FBXL7: variants seen among roughly 807,000 people sequenced by gnomAD.
FBXL7 encodes F-box/LRR-repeat protein 7.
In FBXL7, 12 loss-of-function variants were observed where a neutral mutation model predicts 38.3. The observed-to-expected ratio is 0.31, with a 90% CI of 0.20 to 0.51. The LOEUF is 0.51. FBXL7 is among the 20% of genes least tolerant of loss of function. The pLI is 0.98. For synonymous variants in FBXL7, 297 were observed against 300.9 expected (o/e 0.99, Z 0.13); for missense variants, 567 against 676.4 (o/e 0.84, Z 1.79).
chr5:15,581,042 A>T (rs1410369747), intron 1 of FBXL7, among the ~76,000 whole-genome samples: 1 of 152,178 alleles, frequency 6.6e-6, no homozygotes, highest in Non-Finnish European at 1.5e-5. Flanking sequence ...AGCGGAGCCC[A>T]CTTGCTTCCT....
At chr5:15,926,358 AAT>A (rs1452440170) in intron 2 of FBXL7, among the ~76,000 whole-genome samples, 1 of 148,130 alleles carries the variant, frequency 6.8e-6, no homozygotes, top group Non-Finnish European at 1.5e-5. Context: ...TTATTTATAT[AAT>A]ATATATTATA....
At chr5:15,859,557 G>C (rs1739383574) in intron 2 of FBXL7, among the ~76,000 whole-genome samples, 1 of 152,158 alleles carries the variant, frequency 6.6e-6, no homozygotes, top group African/African-American at 2.4e-5. Flanking sequence ...CATGGCAGAA[G>C]GCAAAAGGAG....
At chr5:15,725,798 G>A (rs1744331189) in intron 2 of FBXL7, among the ~76,000 whole-genome samples, 1 of 152,046 alleles carries the variant, frequency 6.6e-6, no homozygotes, top group Non-Finnish European at 1.5e-5. Context: ...ACCACAGCCG[G>A]CTAATTTTTT....
intron 1 of FBXL7, among the ~76,000 whole-genome samples, chr5:15,554,965 C>T (rs773445994): frequency 1.3e-5 from 2 of 152,248 alleles, no homozygotes; most frequent in South Asian, 4.2e-4. Flanking sequence ...ATATGTAAGT[C>T]CTTGGTGAAA....
At chr5:15,886,378 A>ATATT (rs1195671448) in intron 2 of FBXL7, among the ~76,000 whole-genome samples, 1 of 152,132 alleles carries the variant, frequency 6.6e-6, no homozygotes, top group African/African-American at 2.4e-5. Flanking sequence ...GTGGCCTTGT[A>ATATT]TATTTACCTT....
chr5:15,707,549 A>G (rs985311083), intron 2 of FBXL7, among the ~76,000 whole-genome samples: 3 of 152,180 alleles, frequency 2.0e-5, no homozygotes, highest in African/African-American at 7.2e-5. Flanking sequence ...AGACGTTTGC[A>G]TCTGCCAGGT....
chr5:15,553,235 C>T (rs536828600), intron 1 of FBXL7, among the ~76,000 whole-genome samples: 1 of 152,300 alleles, frequency 6.6e-6, no homozygotes, highest in East Asian at 1.9e-4. Context: ...AACACCCTGG[C>T]CCACTTGTCT....
chr5:15,570,075 GC>G (rs1260021135), intron 1 of FBXL7, among the ~76,000 whole-genome samples: 2 of 152,158 alleles, frequency 1.3e-5, no homozygotes, highest in African/African-American at 4.8e-5. Context: ...TCTCTGCCAG[GC>G]TTTGGTATCA....
intron 2 of FBXL7, among the ~76,000 whole-genome samples, chr5:15,695,766 A>G (rs1013284532): frequency 1.2e-4 from 18 of 152,128 alleles, no homozygotes; most frequent in African/African-American, 4.1e-4. Flanking sequence ...ATCATACAAC[A>G]CATGAAAGTT....
chr5:15,672,688 G>A (rs531970995), intron 2 of FBXL7, among the ~76,000 whole-genome samples: 4 of 151,768 alleles, frequency 2.6e-5, no homozygotes, highest in Admixed American at 2.0e-4. Flanking sequence ...CCAAGTAGCT[G>A]AGACTACAGG....
intron 2 of FBXL7, among the ~76,000 whole-genome samples, chr5:15,925,606 G>T (rs891716471): frequency 2.6e-5 from 4 of 152,144 alleles, no homozygotes; most frequent in African/African-American, 9.7e-5. Context: ...AATTTCCAGG[G>T]TATGAAATAT....
intron 3 of FBXL7, among the ~76,000 whole-genome samples, chr5:15,935,776 C>G (rs116839024): frequency 0.018 from 2,794 of 152,282 alleles, 91 homozygotes; most frequent in African/African-American, 0.064. Context: ...ATAGCGTTTT[C>G]AGAGCACATG....
intron 2 of FBXL7, among the ~76,000 whole-genome samples, chr5:15,661,099 C>G (rs1337975248): frequency 2.6e-5 from 4 of 152,172 alleles, no homozygotes; most frequent in Non-Finnish European, 5.9e-5. Flanking sequence ...TTCCATATAT[C>G]TGACTGTTAG....
chr5:15,777,792 A>G (rs1291970015), intron 2 of FBXL7, among the ~76,000 whole-genome samples: 4 of 150,148 alleles, frequency 2.7e-5, no homozygotes, highest in African/African-American at 9.9e-5. Context: ...TTAGATTAGA[A>G]TGGTACTCAT....
chr5:15,849,251 A>G (rs1739020101), intron 2 of FBXL7, among the ~76,000 whole-genome samples: 1 of 152,234 alleles, frequency 6.6e-6, no homozygotes, highest in African/African-American at 2.4e-5. Flanking sequence ...ATTACAATTT[A>G]GTATCAGTTT....
At chr5:15,631,762 TG>T (rs1741006948) in intron 2 of FBXL7, among the ~76,000 whole-genome samples, 1 of 145,112 alleles carries the variant, frequency 6.9e-6, no homozygotes, top group South Asian at 2.3e-4. Flanking sequence ...GAATTGTGTG[TG>T]GTAATTTAGG....
At chr5:15,607,592 T>C (rs1239466820) in intron 1 of FBXL7, among the ~76,000 whole-genome samples, 1 of 152,154 alleles carries the variant, frequency 6.6e-6, no homozygotes, top group East Asian at 1.9e-4. Flanking sequence ...GGACTCCCCA[T>C]TAAATGAACA....
At chr5:15,914,964 T>C (rs1354110186) in intron 2 of FBXL7, among the ~76,000 whole-genome samples, 1 of 152,228 alleles carries the variant, frequency 6.6e-6, no homozygotes, top group Admixed American at 6.5e-5. Flanking sequence ...AGTAGCTAAA[T>C]ATTAATAATT....
chr5:15,747,127 A>T (rs1736036832), intron 2 of FBXL7, among the ~76,000 whole-genome samples: 1 of 152,214 alleles, frequency 6.6e-6, no homozygotes, highest in Non-Finnish European at 1.5e-5. Context: ...GGAGGTGGGA[A>T]TTCAGCAGAC....
Sources: allele counts gnomAD v4.1 joint callset (sites outside exome capture counted in the v4.1 genomes callset), GRCh38; gene constraint gnomAD v4.1.1; transcripts MANE v1.5; gene names NCBI Gene and HGNC (gene_info 2026-07-23, HGNC 2026-07-21).